NRXN1: variants seen among roughly 807,000 people sequenced by gnomAD.
NRXN1 encodes neurexin-1.
NRXN1 carries 39 observed loss-of-function variants against 150.9 expected under a neutral mutation model. That is an observed-to-expected ratio of 0.26 (90% confidence interval 0.20 to 0.34). NRXN1 has a LOEUF of 0.34. Among genes scored for constraint, NRXN1 ranks in the 10% least tolerant of loss-of-function variants. The pLI is 1.00. For synonymous variants in NRXN1, 924 were observed against 757.0 expected (o/e 1.22, Z -3.62); for missense variants, 1,815 against 1,949.9 (o/e 0.93, Z 1.30).
chr2:50,419,924 C>A (rs921387915), intron 17 of NRXN1, among the ~76,000 whole-genome samples: 1 of 152,066 alleles, frequency 6.6e-6, no homozygotes, highest in African/African-American at 2.4e-5. Flanking sequence ...AATGCTTCTG[C>A]ATCCCACCAA....
chr2:50,264,356 A>G (rs932782787), intron 17 of NRXN1, among the ~76,000 whole-genome samples: 12 of 152,090 alleles, frequency 7.9e-5, no homozygotes, highest in Non-Finnish European at 1.3e-4. Flanking sequence ...AACATTTCAT[A>G]TCCAAGGAGA....
At chr2:50,657,872 T>C (rs1010234533) in intron 5 of NRXN1, among the ~76,000 whole-genome samples, 1 of 152,030 alleles carries the variant, frequency 6.6e-6, no homozygotes, top group African/African-American at 2.4e-5. Flanking sequence ...ACTGAGGTCC[T>C]AAATGGCAGA....
At chr2:50,323,774 C>G (rs557677181) in intron 17 of NRXN1, among the ~76,000 whole-genome samples, 1 of 152,196 alleles carries the variant, frequency 6.6e-6, no homozygotes, top group East Asian at 1.9e-4. Flanking sequence ...ATTAAGCAAA[C>G]ATTTACTGAA....
intron 5 of NRXN1, among the ~76,000 whole-genome samples, chr2:50,674,418 C>T (rs1436752762): frequency 6.6e-6 from 1 of 152,068 alleles, no homozygotes; most frequent in Non-Finnish European, 1.5e-5. Context: ...ATCAAGGAGG[C>T]CTTCTCTCCA....
intron 17 of NRXN1, among the ~76,000 whole-genome samples, chr2:50,339,400 G>C (rs952128739): frequency 1.3e-5 from 2 of 151,856 alleles, no homozygotes; most frequent in Admixed American, 6.6e-5. Context: ...GAGCCCAAAG[G>C]GTTCTATATT....
Position 50,053,388 on chromosome 2 carries a change from C to A in NRXN1, c.4011G>T (p.Glu1337Asp), listed in dbSNP as rs200935246. Residue 1337 changes from glutamate (E) to aspartate (D), a missense_variant, in exon 21 of 23, where the codon GAG (glutamate) becomes GAT (aspartate). Around this residue, in one of 6 missense-constraint regions of NRXN1, gnomAD observed 265 missense variants for 307.1 expected, o/e 0.86. Coordinates refer to ENST00000401669, the MANE Select transcript of NRXN1 (RefSeq NM_001330078.2). ...VGEVPSSMTT[E>D]STATAMQSEM... The stretch of plus-strand genomic sequence containing the variant: ...CTGATTGCATGGCAGTGGCTGTTGA[C>A]TCAGTTGTCATAGAGGAAGGCACTT... 1.9e-6 allele frequency: 3 copies of A among 1,613,928 alleles called. No homozygotes were observed. The highest frequency in any genetic ancestry group is 1.7e-6 in the Non-Finnish European group (2 of 1,179,930).
At chr2:50,950,287 G>C (rs1236703023) in intron 2 of NRXN1, among the ~76,000 whole-genome samples, 1 of 152,078 alleles carries the variant, frequency 6.6e-6, no homozygotes, top group Non-Finnish European at 1.5e-5. Flanking sequence ...GTGGACTTTG[G>C]AGATTGCAAT....
At chr2:49,992,342 A>G (rs12713080) in intron 21 of NRXN1, among the ~76,000 whole-genome samples, 43,982 of 151,332 alleles carry the variant, frequency 0.29, 6,911 homozygotes, top group East Asian at 0.53. Flanking sequence ...AATTGAGACC[A>G]TCCTGGACAA....
chr2:50,428,523 T>A (rs1042967663), intron 17 of NRXN1, among the ~76,000 whole-genome samples: 1 of 152,222 alleles, frequency 6.6e-6, no homozygotes, highest in Non-Finnish European at 1.5e-5. Flanking sequence ...TACATTTAAA[T>A]TGTTCTATTC....
intron 22 of NRXN1, among the ~76,000 whole-genome samples, chr2:49,932,073 ATG>A: frequency 6.9e-6 from 1 of 144,732 alleles, no homozygotes; most frequent in South Asian, 2.1e-4. Flanking sequence ...ATGTGTGTGA[ATG>A]TGTGTGCATG....
At chr2:50,567,752 T>C (rs921678839) in intron 8 of NRXN1, among the ~76,000 whole-genome samples, 1 of 152,150 alleles carries the variant, frequency 6.6e-6, no homozygotes, top group Non-Finnish European at 1.5e-5. Flanking sequence ...ATCATTAAAA[T>C]TAGAACTAGA....
At chr2:50,787,698 T>C (rs1271131562) in intron 5 of NRXN1, among the ~76,000 whole-genome samples, 1 of 145,306 alleles carries the variant, frequency 6.9e-6, no homozygotes, top group Non-Finnish European at 1.5e-5. Context: ...AGAAAAGAAA[T>C]ATGAAACATG....
intron 21 of NRXN1, among the ~76,000 whole-genome samples, chr2:49,951,539 A>G (rs1673962853): frequency 6.6e-6 from 1 of 151,964 alleles, no homozygotes; most frequent in South Asian, 2.1e-4. Flanking sequence ...GACTGCTGGT[A>G]ATGGAGTAGA....
At chr2:50,735,497 G>C (rs72837041) in intron 5 of NRXN1, among the ~76,000 whole-genome samples, 1 of 152,062 alleles carries the variant, frequency 6.6e-6, no homozygotes, top group African/African-American at 2.4e-5. Flanking sequence ...GAAAATGTCA[G>C]ATTGTATCTC....
At chr2:50,371,163 A>G (rs932647912) in intron 17 of NRXN1, among the ~76,000 whole-genome samples, 2 of 151,972 alleles carry the variant, frequency 1.3e-5, no homozygotes, top group East Asian at 1.9e-4. Flanking sequence ...CTGGTGCCCA[A>G]TTGTCTTTTA....
intron 19 of NRXN1, among the ~76,000 whole-genome samples, chr2:50,069,149 A>C (rs1450065990): frequency 6.6e-6 from 1 of 152,244 alleles, no homozygotes; most frequent in Admixed American, 6.5e-5. Context: ...TTTGGATAGC[A>C]ATGAAGTCTT....
intron 2 of NRXN1, among the ~76,000 whole-genome samples, chr2:51,012,340 A>T (rs1232146161): frequency 6.6e-6 from 1 of 152,054 alleles, no homozygotes; most frequent in African/African-American, 2.4e-5. Flanking sequence ...CTTAATTAAG[A>T]GTGTGAAGCA....
chr2:49,977,019 G>C (rs977730399), intron 21 of NRXN1, among the ~76,000 whole-genome samples: 1 of 152,036 alleles, frequency 6.6e-6, no homozygotes, highest in African/African-American at 2.4e-5. Context: ...AATGGTGTAG[G>C]GCTAAAGACA....
At position 50,140,247 on chromosome 2, in the gene NRXN1, G is replaced by A. The variant is rs927754232; in HGVS notation, c.3547-48753C>T. Among the ~76,000 whole-genome samples the A allele has an allele frequency of 5.3e-5, 8 of 151,974 alleles. No individual in the cohort carries two copies. The South Asian group carries it at 1.7e-3, about 32-fold the overall frequency. On this transcript the variant is annotated intron_variant, in intron 18 of 22. Transcript: ENST00000401669. ...AAGGCAGACATACACCTGACTTCAG[G>A]GACCAATACAATAGAGAGTATTTTT...
Sources: gnomAD v4.1 joint callset for allele counts (sites outside exome capture counted in the v4.1 genomes callset) on GRCh38, gnomAD v4.1.1 for gene constraint, gnomAD v4.1.1 regional missense constraint, MANE v1.5 for transcripts, NCBI Gene and HGNC (gene_info 2026-07-23, HGNC 2026-07-21) for gene names.